DENND2C: variants seen among roughly 807,000 people sequenced by gnomAD.
DENND2C encodes the protein DENN domain containing 2C.
DENND2C carries 72 observed loss-of-function variants against 112.4 expected under a neutral mutation model. The ratio of observed to expected loss-of-function variants is 0.64; its 90% CI spans 0.53 to 0.78. The LOEUF is 0.78. Among genes scored for constraint, DENND2C ranks in the 30% least tolerant of loss-of-function variants. DENND2C has a pLI of 0.00. For missense variants in DENND2C, 992 were observed against 1,113.8 expected (o/e 0.89, Z 1.56); for synonymous variants, 329 against 381.6 (o/e 0.86, Z 1.61).
chr1:114,650,170 A>T (rs752268387), intron 2 of DENND2C, among the ~76,000 whole-genome samples: 1 of 151,938 alleles, frequency 6.6e-6, no homozygotes, highest in Non-Finnish European at 1.5e-5. Context: ...AAAAATATAA[A>T]AAATTAGCCA....
At chr1:114,597,411 T>G (rs1557939697) in intron 16 of DENND2C, among the ~76,000 whole-genome samples, 1 of 151,776 alleles carries the variant, frequency 6.6e-6, no homozygotes, top group Non-Finnish European at 1.5e-5. Context: ...ACCACTGCAC[T>G]CCAGCCTGGG....
chr1:114,617,752 A>C (rs1656015585), intron 8 of DENND2C, among the ~76,000 whole-genome samples: 1 of 152,108 alleles, frequency 6.6e-6, no homozygotes, highest in South Asian at 2.1e-4. Context: ...AAAAAAGACT[A>C]ATGTTTTCCT....
rs142211594 is a variant in DENND2C at position 114,594,252 on chromosome 1, C to T, written c.2431+221G>A. ...AGGGCAGGAGTCATGTGGATATCTG[C>T]GGGAATAGCATTCTATAAATGTAAC... On this transcript the variant is annotated intron_variant, in intron 18 of 20. Coordinates refer to ENST00000393274, the MANE Select transcript of DENND2C (RefSeq NM_001256404.2). 2.4e-3 allele frequency among the ~76,000 whole-genome samples: 369 copies of T among 152,206 alleles called. 1 individual carries two copies. Among genetic ancestry groups the T allele is most frequent in the Non-Finnish European group, 4.3e-3 (292 of 68,004 alleles).
At chr1:114,650,397 G>T (rs897809316) in intron 2 of DENND2C, among the ~76,000 whole-genome samples, 11 of 151,660 alleles carry the variant, frequency 7.3e-5, no homozygotes, top group Admixed American at 2.6e-4. Context: ...GGGTGCGGTG[G>T]CTCACGCCTG....
rs771607945 is a variant in DENND2C, at chr1:114,587,968, A to G, written c.2432-16T>C. 5.0e-6 allele frequency: 8 copies of G among 1,600,682 alleles called. No homozygotes were observed. The highest frequency in any genetic ancestry group is 8.5e-7 in the Non-Finnish European group (1 of 1,171,570). The stretch of plus-strand genomic sequence containing the variant: ...AGTGTCACATCTGCTGCAACATGAA[A>G]AAGAAAAAAAGAAAAAAATCTCCTC... On this transcript the variant is annotated splice_polypyrimidine_tract_variant and intron_variant, in intron 18 of 20. Transcript: ENST00000393274.
chr1:114,601,569 T>C lies in DENND2C; in HGVS notation c.1754A>G (p.Lys585Arg), dbSNP rs1655505617. 3 of 1,612,988 alleles carry C rather than the reference T, an allele frequency of 1.9e-6. No individual in the cohort carries two copies. Among genetic ancestry groups the C allele is most frequent in the East Asian group, 4.5e-5 (2 of 44,852 alleles). The change falls in exon 13 of 21, where the codon AAG (lysine) becomes AGG (arginine). Residue 585 changes from lysine (K) to arginine (R), a missense_variant. Coordinates refer to ENST00000393274, the MANE Select transcript of DENND2C (RefSeq NM_001256404.2). ...CATGCAGTATACCTCAGGGAGTCGCTTTCCTTTGCCTACTGGCTAAAAGAT... is the reference window on the plus strand; with the variant it reads ...CATGCAGTATACCTCAGGGAGTCGCCTTCCTTTGCCTACTGGCTAAAAGAT... ...CKKLLPVGKG[K>R]RLPEVYCMVS...
chr1:114,604,767 A>C (rs1193021768), intron 11 of DENND2C, among the ~76,000 whole-genome samples, 155 bp downstream of exon 11: 2 of 152,058 alleles, frequency 1.3e-5, no homozygotes, highest in Non-Finnish European at 2.9e-5. Context: ...CCACATAGGA[A>C]ATGTTCTAGT....
At chr1:114,586,608 T>A (rs996550369) in intron 20 of DENND2C, 1 of 152,158 alleles carries the variant, frequency 6.6e-6, no homozygotes, top group Non-Finnish European at 1.5e-5. Context: ...ATGGTCAGCC[T>A]ATTTAAGGCT....
intron 9 of DENND2C, among the ~76,000 whole-genome samples, chr1:114,609,299 T>A (rs1655750040): frequency 6.6e-6 from 1 of 152,188 alleles, no homozygotes; most frequent in Non-Finnish European, 1.5e-5. Context: ...GGGGCAGAGA[T>A]CTGATAAAAT....
rs1410349747 is a variant in DENND2C, at chr1:114,621,932, C to T, written c.1190G>A (p.Gly397Asp). ...TTTCCTTTTCGTGTTTGCAACTTCA[C>T]CAGCTCGGAAAAGCTTCCATTCCGT... ...TLTEWKLFRA[G>D]EVANTKRKNL... is the part of the protein sequence containing the mutation. The change falls in exon 7 of 21, where the codon GGT (glycine) becomes GAT (aspartate). Residue 397 changes from glycine to aspartate, a missense_variant. Coordinates refer to ENST00000393274, the MANE Select transcript of DENND2C (RefSeq NM_001256404.2). The T allele has an allele frequency of 6.4e-7, 1 of 1,550,646 alleles. No homozygotes were observed. Among genetic ancestry groups the T allele is most frequent in the Non-Finnish European group, 8.7e-7 (1 of 1,146,998 alleles).
At chr1:114,621,766 G>A (rs1656172234) in intron 7 of DENND2C, 129 bp downstream of exon 7, 3 of 1,218,020 alleles carry the variant, frequency 2.5e-6, no homozygotes, top group South Asian at 3.2e-5. Context: ...ACATAACGCT[G>A]CCTTCTAAGT....
chr1:114,616,143 A>G (rs893477058), intron 8 of DENND2C, among the ~76,000 whole-genome samples: 4 of 151,996 alleles, frequency 2.6e-5, no homozygotes, highest in Non-Finnish European at 5.9e-5. Flanking sequence ...TAATCCTAGC[A>G]CTCTGGGAGG....
chr1:114,625,989 C>G lies in DENND2C; in HGVS notation c.-5G>C, dbSNP rs140865525. ...ACGAGAAAAACCAACATCCATGTTC[C>G]CAACTGGGTGAATGACAAGTGATGA... On this transcript the variant is annotated 5_prime_UTR_variant, in exon 4 of 21. Coordinates refer to ENST00000393274, the MANE Select transcript of DENND2C (RefSeq NM_001256404.2). 1.4e-3 allele frequency: 2,257 copies of G among 1,598,502 alleles called. 4 individuals carry two copies. Among genetic ancestry groups the G allele is most frequent in the Non-Finnish European group, 1.7e-3 (2,013 of 1,172,246 alleles).
chr1:114,598,495 AG>A (rs1341140079), intron 16 of DENND2C, among the ~76,000 whole-genome samples: 2 of 152,238 alleles, frequency 1.3e-5, no homozygotes, highest in East Asian at 3.9e-4. Flanking sequence ...ATACCATAAA[AG>A]TCAAGATAAT....
chr1:114,584,261 C>G lies in DENND2C; in HGVS notation c.*1339G>C, dbSNP rs143217253. ...TTAACTTCTTTGAATTTGTTTTTTT[C>G]TTTTTTCTTTTCCTTTTTTCTTTTT... On this transcript the variant is annotated 3_prime_UTR_variant, in exon 21 of 21. Coordinates refer to ENST00000393274, the MANE Select transcript of DENND2C (RefSeq NM_001256404.2). 636 of 151,942 alleles carry G rather than the reference C, an allele frequency of 4.2e-3. 6 individuals carry two copies. Among genetic ancestry groups the G allele is most frequent in the Non-Finnish European group, 7.0e-3 (476 of 67,962 alleles). The allele number at this position is 151,942 out of a possible 1,614,324, so 9.4% of individuals were successfully genotyped here.
At position 114,584,806 on chromosome 1, in the gene DENND2C, A is replaced by G. The variant is rs1003288120; in HGVS notation, c.*794T>C. 9 of 152,152 alleles carry G rather than the reference A, an allele frequency of 5.9e-5. No homozygotes were observed. The highest frequency in any genetic ancestry group is 1.9e-4 in the African/African-American group (8 of 41,524). 9.4% of individuals were successfully genotyped at this position (152,152 alleles called of 1,614,324 possible). A position where few individuals can be genotyped will look rare whatever the true frequency, so the allele number is the denominator to read the frequency against. ...GTTTTTGTAGAGATGGGATCTTGCTATGTTGCCCAGGCTAGTCTCAAACTC... is the reference window on the plus strand; with the variant it reads ...GTTTTTGTAGAGATGGGATCTTGCTGTGTTGCCCAGGCTAGTCTCAAACTC... On this transcript the variant is annotated 3_prime_UTR_variant, in exon 21 of 21. Coordinates refer to ENST00000393274, the MANE Select transcript of DENND2C (RefSeq NM_001256404.2).
At chr1:114,613,235 A>G (rs917613568) in intron 8 of DENND2C, among the ~76,000 whole-genome samples, 1 of 152,206 alleles carries the variant, frequency 6.6e-6, no homozygotes, top group African/African-American at 2.4e-5. Flanking sequence ...GCTCTGAAGT[A>G]CATTAATTAA....
intron 8 of DENND2C, among the ~76,000 whole-genome samples, chr1:114,612,027 A>C (rs553214301): frequency 6.6e-6 from 1 of 152,216 alleles, no homozygotes; most frequent in Non-Finnish European, 1.5e-5. Flanking sequence ...CACAAGGCTA[A>C]GTTTCTTAAT....
chr1:114,663,762 A>T (rs1557963515), intron 1 of DENND2C, among the ~76,000 whole-genome samples: 1 of 152,234 alleles, frequency 6.6e-6, no homozygotes, highest in Non-Finnish European at 1.5e-5. Context: ...TTCAGTGTCC[A>T]TAAATAAAGT....
Sources: gnomAD v4.1 joint callset for allele counts (sites outside exome capture counted in the v4.1 genomes callset) on GRCh38, gnomAD v4.1.1 for gene constraint, MANE v1.5 for transcripts, NCBI Gene and HGNC (gene_info 2026-07-23, HGNC 2026-07-21) for gene names.